Variants in PRKN observed in about 807,000 individuals in gnomAD.
PRKN encodes E3 ubiquitin-protein ligase parkin.
Under a neutral mutation model 59.5 loss-of-function variants are expected in PRKN, and 56 were observed. The observed-to-expected ratio is 0.94, with a 90% CI of 0.76 to 1.18. PRKN has a LOEUF of 1.18. Among genes scored for constraint, PRKN ranks in the 50% most tolerant of loss-of-function variants. The pLI, the probability that PRKN is intolerant of heterozygous loss-of-function variation, is 0.00. For missense variants in PRKN, 657 were observed against 596.4 expected, an observed-to-expected ratio of 1.10 and a Z score of -1.06; for synonymous variants, 250 against 222.1, an observed-to-expected ratio of 1.13 and a Z score of -1.12.
chr6:161,631,498 C>T (rs1234906884), intron 7 of PRKN, among the ~76,000 whole-genome samples: 1 of 152,014 alleles, frequency 6.6e-6, no homozygotes, highest in Non-Finnish European at 1.5e-5. Context: ...TATCACAGGC[C>T]CTCAAAAGCA....
chr6:161,556,600 GTATT>G (rs1324477764), intron 8 of PRKN, among the ~76,000 whole-genome samples: 1 of 152,154 alleles, frequency 6.6e-6, no homozygotes, highest in Non-Finnish European at 1.5e-5. Flanking sequence ...ACAGAATACT[GTATT>G]TATCTCAGTA....
At chr6:162,483,832 T>C (rs1792415036) in intron 1 of PRKN, among the ~76,000 whole-genome samples, 1 of 152,214 alleles carries the variant, frequency 6.6e-6, no homozygotes, top group Non-Finnish European at 1.5e-5. Flanking sequence ...AAACTACTAA[T>C]TGCAAGATTG....
At chr6:161,974,289 C>G (rs78148447) in intron 5 of PRKN, among the ~76,000 whole-genome samples, 3 of 152,142 alleles carry the variant, frequency 2.0e-5, no homozygotes, top group African/African-American at 7.2e-5. Flanking sequence ...CCAGCCCCAT[C>G]TGGAGTCTGC....
chr6:161,976,703 T>C (rs1781046705), intron 5 of PRKN, among the ~76,000 whole-genome samples: 1 of 152,210 alleles, frequency 6.6e-6, no homozygotes, highest in East Asian at 1.9e-4. Flanking sequence ...CTGAGCTAGC[T>C]ACGACTGGTT....
chr6:162,649,337 T>A (rs1315640793), intron 1 of PRKN, among the ~76,000 whole-genome samples: 1 of 152,172 alleles, frequency 6.6e-6, no homozygotes, highest in Non-Finnish European at 1.5e-5. Flanking sequence ...ATATAATTCA[T>A]CATACAATCC....
chr6:162,350,938 T>C (rs1179427809), intron 2 of PRKN, among the ~76,000 whole-genome samples: 3 of 152,172 alleles, frequency 2.0e-5, no homozygotes, highest in African/African-American at 7.2e-5. Flanking sequence ...AGAGGACTTA[T>C]GTCTGTAATG....
At chr6:161,858,303 T>C (rs766979816) in intron 6 of PRKN, among the ~76,000 whole-genome samples, 4 of 152,226 alleles carry the variant, frequency 2.6e-5, no homozygotes, top group Non-Finnish European at 5.9e-5. Flanking sequence ...TCTGCTTGCA[T>C]GTACACTGGC....
At chr6:161,985,907 C>T (rs1251626900) in intron 5 of PRKN, among the ~76,000 whole-genome samples, 1 of 152,188 alleles carries the variant, frequency 6.6e-6, no homozygotes, top group African/African-American at 2.4e-5. Context: ...GCTTTGTCCA[C>T]TCATTTTGCC....
intron 11 of PRKN, among the ~76,000 whole-genome samples, chr6:161,358,922 G>A (rs767281089): frequency 4.2e-4 from 63 of 149,782 alleles, no homozygotes; most frequent in Non-Finnish European, 7.5e-4. Context: ...AGCCTCCAGA[G>A]TAGCTGGGAC....
In PRKN at chr6:161,444,357, G is replaced by GTAAA. The variant is rs1789389539; in HGVS notation, c.1084-57481_1084-57480insTTTA. On this transcript the variant is annotated intron_variant, in intron 9 of 11. Transcript: ENST00000366898. This position sits in a 1 kb window ranked among gnomAD's most constrained non-coding sequence, Gnocchi z 5.6. ...GATGAACAGAATGTGCTCTGTAATG[G>GTAAA]GTTTAGCCAAAGCATCCCCACCACC... Among the ~76,000 whole-genome samples, 1 of 152,176 alleles carries GTAAA rather than the reference G, an allele frequency of 6.6e-6. No homozygotes were observed. Among genetic ancestry groups the GTAAA allele is most frequent in the Admixed American group, 6.5e-5 (1 of 15,290 alleles).
At chr6:161,913,797 G>A (rs1358417946) in intron 6 of PRKN, among the ~76,000 whole-genome samples, 2 of 152,182 alleles carry the variant, frequency 1.3e-5, no homozygotes, top group Non-Finnish European at 2.9e-5. Context: ...TTTGTAGGTG[G>A]AGCGTCTGGG....
chr6:161,897,966 C>CAAAAAAAAAAAAAAAAAAAAAAAAAAA (rs55714271), intron 6 of PRKN, among the ~76,000 whole-genome samples: 15 of 38,286 alleles, frequency 3.9e-4, no homozygotes, highest in South Asian at 1.1e-3. Flanking sequence ...GACTCCGTCT[C>CAAAAAAAAAAAAAAAAAAAAAAAAAAA]AAAAAAAAAA....
intron 2 of PRKN, among the ~76,000 whole-genome samples, chr6:162,342,277 A>C (rs1438625433): frequency 1.3e-5 from 2 of 152,112 alleles, no homozygotes; most frequent in African/African-American, 4.8e-5. Context: ...TTCAACTTTC[A>C]CTCTACATGA....
intron 1 of PRKN, chr6:162,727,315 A>C: frequency 2.6e-5 from 9 of 347,796 alleles, no homozygotes; most frequent in South Asian, 4.1e-5. Flanking sequence ...GGCGGGGCGA[A>C]GGTGAGGGGC....
chr6:161,404,084 A>G (rs1255841860), intron 9 of PRKN, among the ~76,000 whole-genome samples: 4 of 152,022 alleles, frequency 2.6e-5, no homozygotes, highest in African/African-American at 9.7e-5. Flanking sequence ...AACCTCCCTG[A>G]CCCCAGGCCT....
intron 5 of PRKN, among the ~76,000 whole-genome samples, chr6:162,042,131 G>T (rs989235834): frequency 6.6e-6 from 1 of 151,166 alleles, no homozygotes; most frequent in Non-Finnish European, 1.5e-5. Context: ...GCTTTTATTT[G>T]AATGAAATAA....
chr6:162,076,278 CCTT>C lies in PRKN; in HGVS notation c.535-22107_535-22105del, dbSNP rs559567277. 5.3e-5 allele frequency among the ~76,000 whole-genome samples: 8 copies of C among 152,056 alleles called. No homozygotes were observed. In the South Asian group the frequency reaches 1.7e-3, roughly 31 times the overall value. On this transcript the variant is annotated intron_variant, in intron 4 of 11. Transcript: ENST00000366898. ...AGCCACCTGGCCCAGCCAAGGAAGG[CCTT>C]CTTAATCCAAAAAAAACCAAATAAG...
intron 1 of PRKN, among the ~76,000 whole-genome samples, chr6:162,473,935 T>C (rs987349625): frequency 2.0e-5 from 3 of 152,174 alleles, no homozygotes; most frequent in Non-Finnish European, 4.4e-5. Context: ...TCTTTTACAA[T>C]GATGGGGTAA....
At chr6:161,752,156 G>C (rs1389237568) in intron 7 of PRKN, among the ~76,000 whole-genome samples, 1 of 151,406 alleles carries the variant, frequency 6.6e-6, no homozygotes. Flanking sequence ...TGGATCACGA[G>C]GTCAAGAGAT....
Sources: gnomAD v4.1 joint callset for allele counts (sites outside exome capture counted in the v4.1 genomes callset) on GRCh38, gnomAD v4.1.1 for gene constraint, Gnocchi (gnomAD v3.1) non-coding constraint, MANE v1.5 for transcripts, NCBI Gene and HGNC (gene_info 2026-07-23, HGNC 2026-07-21) for gene names.